Variants in RPSA2 observed in about 807,000 individuals in gnomAD.
The protein encoded by RPSA2 is ribosomal protein SA 2.
chr19:23,769,865 A>G, the RPSA2 span, among the ~76,000 whole-genome samples: 3 of 151,932 alleles, frequency 2.0e-5, no homozygotes, highest in Non-Finnish European at 4.4e-5. Context: ...AGGTAATGCA[A>G]CTCTCCTGCA....
chr19:23,812,766 C>T, the RPSA2 span, among the ~76,000 whole-genome samples: 2,408 of 152,132 alleles, frequency 0.016, 23 homozygotes, highest in Non-Finnish European at 0.025. Context: ...GTCTCATTTT[C>T]GTCATGTGTT....
chr19:23,860,697 C>T, the RPSA2 span, among the ~76,000 whole-genome samples: 2 of 152,120 alleles, frequency 1.3e-5, no homozygotes, highest in Non-Finnish European at 2.9e-5. Context: ...CTGAAACTCT[C>T]CCAATGTCAT....
chr19:23,818,801 T>G, the RPSA2 span: 1 of 152,738 alleles, frequency 6.5e-6, no homozygotes, highest in African/African-American at 2.4e-5. Context: ...CCAACTAGGT[T>G]CTAGGTAAGG....
chr19:23,827,197 G>A, the RPSA2 span: 1 of 968,304 alleles, frequency 1.0e-6, no homozygotes, highest in Non-Finnish European at 1.6e-6. Context: ...AAATGAAGGA[G>A]GAGGATGTCC....
At chr19:23,832,612 A>T in the RPSA2 span, 1 of 1,372,148 alleles carries the variant, frequency 7.3e-7, no homozygotes, top group Non-Finnish European at 9.7e-7. Flanking sequence ...CACATAAGGT[A>T]ATTCATACTG....
chr19:23,787,767 C>T, the RPSA2 span, among the ~76,000 whole-genome samples: 2 of 152,126 alleles, frequency 1.3e-5, no homozygotes, highest in Admixed American at 1.3e-4. Context: ...CTTACTTTTT[C>T]CTGCAGGAAA....
chr19:23,789,044 AG>A, the RPSA2 span, among the ~76,000 whole-genome samples: 1 of 24,776 alleles, frequency 4.0e-5, no homozygotes, highest in African/African-American at 1.1e-4. Context: ...TTTGACAGCC[AG>A]GTTGGAGTGC....
chr19:23,865,224 G>T, the RPSA2 span, among the ~76,000 whole-genome samples: 3 of 152,288 alleles, frequency 2.0e-5, no homozygotes, highest in South Asian at 4.1e-4. Context: ...TCTGAATGAC[G>T]GTACCATGGG....
the RPSA2 span, among the ~76,000 whole-genome samples, chr19:23,846,477 A>G: frequency 4.6e-5 from 7 of 152,134 alleles, no homozygotes; most frequent in East Asian, 1.9e-4. Context: ...ATACTTTTAT[A>G]TGTTTTAATG....
the RPSA2 span, among the ~76,000 whole-genome samples, chr19:23,864,331 A>G: frequency 6.6e-6 from 1 of 152,204 alleles, no homozygotes; most frequent in Non-Finnish European, 1.5e-5. Context: ...ACATTCCATT[A>G]ATTTCCTCAT....
chr19:23,843,582 A>G, the RPSA2 span, among the ~76,000 whole-genome samples: 9 of 152,314 alleles, frequency 5.9e-5, no homozygotes, highest in African/African-American at 2.2e-4. Flanking sequence ...CAATATGAGA[A>G]TATCTCTAAC....
At chr19:23,821,503 C>CCG in the RPSA2 span, among the ~76,000 whole-genome samples, 14 of 152,204 alleles carry the variant, frequency 9.2e-5, no homozygotes, top group South Asian at 6.2e-4. Context: ...TTCTTCCCTG[C>CCG]CTCCCCCACT....
At chr19:23,867,461 A>G in the RPSA2 span, among the ~76,000 whole-genome samples, 2 of 152,204 alleles carry the variant, frequency 1.3e-5, no homozygotes, top group Non-Finnish European at 2.9e-5. Flanking sequence ...AGGACATGGA[A>G]TATCAGAGTG....
chr19:23,827,138 G>A, the RPSA2 span: 26 of 769,504 alleles, frequency 3.4e-5, no homozygotes, highest in Middle Eastern at 6.8e-4. Context: ...GATTCCCGTC[G>A]TAACTTAAAG....
At chr19:23,759,036 C>G in the RPSA2 span, 2 of 539,502 alleles carry the variant, frequency 3.7e-6, no homozygotes, top group Non-Finnish European at 6.5e-6. Context: ...ATCAGATGCT[C>G]TGCTGAATGA....
At chr19:23,778,903 C>T in the RPSA2 span, among the ~76,000 whole-genome samples, 7 of 151,110 alleles carry the variant, frequency 4.6e-5, no homozygotes, top group East Asian at 1.4e-3. Flanking sequence ...GTCCTACCCA[C>T]AGAGGTCATT....
At chr19:23,761,927 T>TCCTTCCTTCCTTCCTTCC in the RPSA2 span, among the ~76,000 whole-genome samples, 158 of 62,386 alleles carry the variant, frequency 2.5e-3, 21 homozygotes, top group East Asian at 0.02. Flanking sequence ...TTTCTTTTTT[T>TCCTTCCTTCCTTCCTTCC]TTTTTTTTGA....
the RPSA2 span, among the ~76,000 whole-genome samples, chr19:23,836,918 C>T: frequency 6.6e-6 from 1 of 152,098 alleles, no homozygotes; most frequent in South Asian, 2.1e-4. Context: ...AAGATTTTCT[C>T]CCACTCTCTG....
the RPSA2 span, among the ~76,000 whole-genome samples, chr19:23,866,383 G>A: frequency 6.6e-6 from 1 of 152,192 alleles, no homozygotes; most frequent in Non-Finnish European, 1.5e-5. Context: ...TAGTTTAATA[G>A]TTGACAAATC....
Sources: allele counts gnomAD v4.1 joint callset (sites outside exome capture counted in the v4.1 genomes callset), GRCh38; gene constraint gnomAD v4.1.1; transcripts MANE v1.5; gene names NCBI Gene and HGNC (gene_info 2026-07-23, HGNC 2026-07-21).